Variants in CEP128 observed in about 807,000 individuals in gnomAD.
CEP128 encodes centrosomal protein 128kDa.
Under a neutral mutation model 156.7 loss-of-function variants are expected in CEP128, and 132 were observed. The ratio of observed to expected loss-of-function variants is 0.84; its 90% CI spans 0.73 to 0.97. The LOEUF is 0.97. CEP128 is among the 50% of genes least tolerant of loss of function. CEP128 has a pLI of 0.00. For synonymous variants in CEP128, 469 were observed against 448.9 expected, an observed-to-expected ratio of 1.04 and a Z score of -0.57; for missense variants, 1,252 against 1,281.9, an observed-to-expected ratio of 0.98 and a Z score of 0.36.
Position 80,559,268 on chromosome 14 carries a change from C to A in CEP128, c.2880+11G>T, listed in dbSNP as rs1291314942. Reference sequence around the variant, plus strand: ...TTCTGATAAAAGGAGAAAGAAAATGCCCCAACTTACCGTTTCTAATGCAAT... The same window carrying A: ...TTCTGATAAAAGGAGAAAGAAAATGACCCAACTTACCGTTTCTAATGCAAT... On this transcript the variant is annotated intron_variant, in intron 21 of 24. Transcript: ENST00000555265. 1 of 1,604,330 alleles carries A rather than the reference C, an allele frequency of 6.2e-7. No homozygotes were observed. The highest frequency in any genetic ancestry group is 8.5e-7 in the Non-Finnish European group (1 of 1,174,982).
At chr14:80,697,155 T>G (rs751590687) in intron 19 of CEP128, among the ~76,000 whole-genome samples, 2 of 152,026 alleles carry the variant, frequency 1.3e-5, no homozygotes, top group African/African-American at 2.4e-5. Flanking sequence ...AACTGAAATT[T>G]AAGAAATTAA....
chr14:80,651,600 G>A (rs1894907481), intron 19 of CEP128, among the ~76,000 whole-genome samples: 2 of 152,134 alleles, frequency 1.3e-5, no homozygotes, highest in Non-Finnish European at 2.9e-5. Context: ...GTGTCCCAGA[G>A]ATTCTGGTAC....
At chr14:80,503,765 T>C (rs1887844449) in intron 24 of CEP128, among the ~76,000 whole-genome samples, 1 of 152,172 alleles carries the variant, frequency 6.6e-6, no homozygotes, top group Non-Finnish European at 1.5e-5. Context: ...GAGGTCCATA[T>C]TGAAGGGTGG....
chr14:80,855,659 A>T (rs1887115882), intron 9 of CEP128, among the ~76,000 whole-genome samples: 1 of 152,058 alleles, frequency 6.6e-6, no homozygotes, highest in African/African-American at 2.4e-5. Flanking sequence ...AAAGGTAAGC[A>T]AAGGCGAGTC....
chr14:80,890,807 A>T (rs534349687), intron 8 of CEP128, among the ~76,000 whole-genome samples: 4 of 152,268 alleles, frequency 2.6e-5, no homozygotes, highest in Admixed American at 2.6e-4. Flanking sequence ...AAATAAAAAT[A>T]AAAACAAAAT....
chr14:80,661,258 C>A lies in CEP128; in HGVS notation c.2807-80835G>T, dbSNP rs116433262. ...TCCTCCTCTTCTGCTCCATTTTCAA[C>A]AATGCCATGGCATTATTTGAATGTT... On this transcript the variant is annotated intron_variant, in intron 19 of 24. Transcript: ENST00000555265. 4.3e-3 allele frequency among the ~76,000 whole-genome samples: 662 copies of A among 152,272 alleles called. 3 individuals are homozygous for A. Among genetic ancestry groups the A allele is most frequent in the African/African-American group, 0.015 (637 of 41,558 alleles).
intron 2 of CEP128, among the ~76,000 whole-genome samples, chr14:80,919,470 A>G (rs1884734231): frequency 6.6e-6 from 1 of 152,042 alleles, no homozygotes; most frequent in South Asian, 2.1e-4. Context: ...GTACCTTCCA[A>G]CCACCCCTCC....
At chr14:80,877,047 G>T (rs897040455) in intron 8 of CEP128, among the ~76,000 whole-genome samples, 4 of 152,128 alleles carry the variant, frequency 2.6e-5, no homozygotes, top group South Asian at 2.1e-4. Context: ...GAAAAGCGGG[G>T]TTTATGGAGT....
At chr14:80,662,152 T>C (rs1214593252) in intron 19 of CEP128, among the ~76,000 whole-genome samples, 2 of 152,170 alleles carry the variant, frequency 1.3e-5, no homozygotes, top group East Asian at 3.8e-4. Context: ...GTTGAAACAC[T>C]GATGAAAAAT....
intron 19 of CEP128, among the ~76,000 whole-genome samples, chr14:80,608,719 C>T (rs1239095114): frequency 6.6e-6 from 1 of 152,206 alleles, no homozygotes; most frequent in African/African-American, 2.4e-5. Context: ...ACCCTGTTTA[C>T]CCTGGCTAAC....
At chr14:80,501,565 C>A (rs948260589) in intron 24 of CEP128, among the ~76,000 whole-genome samples, 2 of 151,534 alleles carry the variant, frequency 1.3e-5, no homozygotes, top group Non-Finnish European at 2.9e-5. Context: ...AGTGCAGTGG[C>A]GTGATCTTGG....
chr14:80,861,426 T>C (rs897227305), intron 9 of CEP128, among the ~76,000 whole-genome samples: 3 of 152,020 alleles, frequency 2.0e-5, no homozygotes, highest in African/African-American at 7.2e-5. Flanking sequence ...AAGTGTTCAG[T>C]TTTCACCAGT....
intron 19 of CEP128, among the ~76,000 whole-genome samples, chr14:80,611,795 T>G (rs1290531769): frequency 6.6e-6 from 1 of 152,100 alleles, no homozygotes; most frequent in Non-Finnish European, 1.5e-5. Context: ...TGTGGTGGCT[T>G]ACACCTGTAA....
intron 19 of CEP128, among the ~76,000 whole-genome samples, chr14:80,632,032 G>T (rs1429003785): frequency 6.6e-6 from 1 of 151,946 alleles, no homozygotes; most frequent in Non-Finnish European, 1.5e-5. Flanking sequence ...CAGCTCTTCT[G>T]TACTCTGAAT....
intron 19 of CEP128, among the ~76,000 whole-genome samples, chr14:80,648,184 G>A (rs1894743807): frequency 6.6e-6 from 1 of 152,040 alleles, no homozygotes; most frequent in Non-Finnish European, 1.5e-5. Flanking sequence ...CAGAACTTGG[G>A]TCTCTGAGTC....
intron 19 of CEP128, among the ~76,000 whole-genome samples, chr14:80,606,867 C>A (rs1364539551): frequency 1.3e-5 from 2 of 152,038 alleles, no homozygotes; most frequent in East Asian, 3.9e-4. Context: ...AAATATCACT[C>A]TATCCAAAAG....
intron 8 of CEP128, among the ~76,000 whole-genome samples, chr14:80,871,488 G>C (rs1261281874): frequency 1.3e-5 from 2 of 152,042 alleles, no homozygotes; most frequent in Non-Finnish European, 2.9e-5. Flanking sequence ...TTAACGTGCT[G>C]GATGGAATAT....
chr14:80,893,962 T>G (rs1417465063), intron 8 of CEP128, among the ~76,000 whole-genome samples: 3 of 151,868 alleles, frequency 2.0e-5, no homozygotes, highest in Non-Finnish European at 4.4e-5. Flanking sequence ...CAATTAAACA[T>G]TCACATGAAA....
chr14:80,678,046 AAAAATATATATATATATGT>A (rs1896140663), intron 19 of CEP128, among the ~76,000 whole-genome samples: 1 of 84,876 alleles, frequency 1.2e-5, no homozygotes. Context: ...TCTATAAAAA[AAAAATATATATATATATGT>A]ATATATATAT....
Sources: gnomAD v4.1 joint callset for allele counts (sites outside exome capture counted in the v4.1 genomes callset) on GRCh38, gnomAD v4.1.1 for gene constraint, MANE v1.5 for transcripts, NCBI Gene and HGNC (gene_info 2026-07-23, HGNC 2026-07-21) for gene names.